Variants in NIPBL observed in about 807,000 individuals in gnomAD.
NIPBL encodes NIPBL cohesin loading factor, also known as nipped-B-like protein.
Under a neutral mutation model 321.8 loss-of-function variants are expected in NIPBL, and 19 were observed. The observed-to-expected ratio is 0.06, with a 90% confidence interval of 0.04 to 0.09. NIPBL has a LOEUF of 0.09. NIPBL is among the 10% of genes least tolerant of loss of function. NIPBL has a pLI of 1.00. For synonymous variants in NIPBL, 1,106 were observed against 1,114.1 expected (o/e 0.99, Z 0.14); for missense variants, 2,210 against 3,327.0 (o/e 0.66, Z 8.26).
intron 1 of NIPBL, among the ~76,000 whole-genome samples, chr5:36,920,852 G>T: frequency 6.7e-6 from 1 of 148,748 alleles, no homozygotes; most frequent in African/African-American, 2.5e-5. Flanking sequence ...AAGACTGCCT[G>T]GACCTACTCT....
At chr5:36,896,741 G>A (rs1184789955) in intron 1 of NIPBL, among the ~76,000 whole-genome samples, 1 of 152,040 alleles carries the variant, frequency 6.6e-6, no homozygotes, top group Non-Finnish European at 1.5e-5. Context: ...TGGGATTACA[G>A]TCCTTTGCCA....
At chr5:37,059,394 C>T (rs1333990875) in intron 44 of NIPBL, among the ~76,000 whole-genome samples, 3 of 152,100 alleles carry the variant, frequency 2.0e-5, no homozygotes, top group Non-Finnish European at 2.9e-5. Flanking sequence ...GTGACCCCAG[C>T]TACTCAGGAG....
chr5:37,047,242 G>T (rs1286847230), intron 38 of NIPBL, among the ~76,000 whole-genome samples: 6 of 152,112 alleles, frequency 3.9e-5, no homozygotes. Flanking sequence ...GACTGTACAC[G>T]TAAAGCTACC....
chr5:37,016,300 G>A, intron 23 of NIPBL, 130 bp downstream of exon 23: 1 of 946,036 alleles, frequency 1.1e-6, no homozygotes, highest in Admixed American at 2.0e-5. Flanking sequence ...CTTTTTGCAT[G>A]TGCATAACTG....
chr5:36,885,493 A>G, intron 1 of NIPBL: 1 of 500,726 alleles, frequency 2.0e-6, no homozygotes, highest in Admixed American at 2.2e-5. Context: ...ACCTGGACAG[A>G]GTGAGGAGCC....
Position 37,059,448 on chromosome 5 carries a change from A to G in NIPBL, c.7685+283A>G, listed in dbSNP as rs534763576. On this transcript the variant is annotated intron_variant, in intron 44 of 46. Coordinates refer to ENST00000282516, the MANE Select transcript of NIPBL (RefSeq NM_133433.4). The stretch of plus-strand genomic sequence containing the variant: ...CTTAAACCTGGGAGGCGGAGATTGC[A>G]GTGAGCTGAGATTACGCCACTGCAC... 2.6e-5 allele frequency among the ~76,000 whole-genome samples: 4 copies of G among 152,304 alleles called. No homozygotes were observed. The East Asian group carries it at 7.7e-4, about 29-fold the overall frequency.
chr5:36,998,168 T>C (rs1746365937), intron 11 of NIPBL, among the ~76,000 whole-genome samples: 1 of 152,180 alleles, frequency 6.6e-6, no homozygotes, highest in South Asian at 2.1e-4. Context: ...TTTTGAGTCC[T>C]TTCCCCTCCC....
intron 1 of NIPBL, among the ~76,000 whole-genome samples, chr5:36,950,773 A>G (rs1411550516): frequency 6.6e-6 from 1 of 152,114 alleles, no homozygotes; most frequent in Non-Finnish European, 1.5e-5. Context: ...CCAAAACATT[A>G]TTCAATCCAG....
intron 1 of NIPBL, among the ~76,000 whole-genome samples, chr5:36,900,629 G>C (rs1747130920): frequency 6.6e-6 from 1 of 151,986 alleles, no homozygotes; most frequent in African/African-American, 2.4e-5. Flanking sequence ...TTTAATTCTA[G>C]TACCAAGCAC....
chr5:37,038,632 G>T lies in NIPBL; in HGVS notation c.6002G>T (p.Arg2001Ile). Residue 2001 changes from arginine (R) to isoleucine (I), a missense_variant, in exon 34 of 47, where the codon AGA becomes ATA. By Grantham distance (97) the Arg-to-Ile change is moderately conservative. Coordinates refer to ENST00000282516, the MANE Select transcript of NIPBL (RefSeq NM_133433.4). Reference protein sequence around the residue: ...DSDNKGVNSGRLVACITTLFL... With the variant: ...DSDNKGVNSGILVACITTLFL... Reference sequence around the variant, plus strand: ...GACAATAAAGGTGTGAATTCTGGAAGATTGGTAGCTTGCATAACCACTTTG... The same window carrying T: ...GACAATAAAGGTGTGAATTCTGGAATATTGGTAGCTTGCATAACCACTTTG... 1 of 1,613,766 alleles carries T rather than the reference G, an allele frequency of 6.2e-7. No homozygotes were observed. The highest frequency in any genetic ancestry group is 2.2e-5 in the East Asian group (1 of 44,808).
At chr5:37,015,805 G>A (rs571515333) in intron 22 of NIPBL, among the ~76,000 whole-genome samples, 8 of 152,254 alleles carry the variant, frequency 5.3e-5, no homozygotes, top group East Asian at 3.9e-4. Flanking sequence ...TTTCACTTGC[G>A]AGAAAGTAGT....
chr5:37,012,881 G>A (rs1045094204), intron 21 of NIPBL, among the ~76,000 whole-genome samples: 10 of 152,142 alleles, frequency 6.6e-5, no homozygotes, highest in South Asian at 2.1e-4. Flanking sequence ...ACACAGACAC[G>A]GCAACCATCC....
intron 6 of NIPBL, among the ~76,000 whole-genome samples, chr5:36,965,976 T>C (rs1375370182): frequency 6.6e-6 from 1 of 152,034 alleles, no homozygotes; most frequent in Admixed American, 6.6e-5. Flanking sequence ...GTTCTAAGAT[T>C]AGCACAATGA....
At position 36,985,525 on chromosome 5, in the gene NIPBL, A is replaced by G; in HGVS notation, c.2345A>G (p.His782Arg). ...STEKKPEVSK[H>R]KQDTKSDSPR... is the part of the protein sequence containing the mutation. ...GAGAAAAAACCTGAAGTGTCTAAAC[A>G]TAAACAAGATACTAAATCTGACTCA... The change falls in exon 10 of 47, where the codon CAT becomes CGT. Residue 782 changes from histidine to arginine, a missense_variant. Transcript: ENST00000282516. 6.2e-7 allele frequency: 1 copy of G among 1,613,772 alleles called. No individual in the cohort carries two copies. The highest frequency in any genetic ancestry group is 8.5e-7 in the Non-Finnish European group (1 of 1,179,942).
intron 1 of NIPBL, among the ~76,000 whole-genome samples, chr5:36,926,771 G>T (rs929214416): frequency 1.4e-4 from 22 of 152,206 alleles, no homozygotes; most frequent in African/African-American, 5.1e-4. Flanking sequence ...GGGTATGTGA[G>T]ATATTTTGGT....
intron 3 of NIPBL, among the ~76,000 whole-genome samples, chr5:36,957,064 G>C (rs1741047418): frequency 6.6e-6 from 1 of 152,248 alleles, no homozygotes; most frequent in African/African-American, 2.4e-5. Flanking sequence ...AATGTAGTGA[G>C]TCTTATCATT....
At chr5:37,045,983 G>T in intron 37 of NIPBL, 126 bp from the exon 38 acceptor site, 2 of 636,444 alleles carry the variant, frequency 3.1e-6, no homozygotes, top group Non-Finnish European at 5.7e-6. Context: ...AAATGGAATT[G>T]GTTACTTATT....
intron 23 of NIPBL, 140 bp downstream of exon 23, chr5:37,016,310 G>T: frequency 5.6e-6 from 5 of 898,508 alleles, no homozygotes; most frequent in Non-Finnish European, 8.7e-6. Context: ...GTGCATAACT[G>T]TACACAATAT....
At chr5:36,961,352 T>C in intron 4 of NIPBL, 132 bp from the exon 5 acceptor site, 1 of 677,904 alleles carries the variant, frequency 1.5e-6, no homozygotes, top group Non-Finnish European at 2.7e-6. Context: ...GCGTCTATAT[T>C]TTGCTCTTTG....
Sources: allele counts gnomAD v4.1 joint callset (sites outside exome capture counted in the v4.1 genomes callset), GRCh38; gene constraint gnomAD v4.1.1; transcripts MANE v1.5; gene names NCBI Gene and HGNC (gene_info 2026-07-23, HGNC 2026-07-21).